Variants in SGCZ observed in about 807,000 individuals in gnomAD.
SGCZ encodes the protein zeta-sarcoglycan.
In SGCZ, 40 loss-of-function variants were observed where a neutral mutation model predicts 41.3. The ratio of observed to expected loss-of-function variants is 0.97; its 90% CI spans 0.75 to 1.26. The LOEUF is 1.26. Among genes scored for constraint, SGCZ ranks in the 50% most tolerant of loss-of-function variants. The probability of loss-of-function intolerance (pLI) is 0.00; values close to 1 mark genes in which losing one functional copy is unlikely to be tolerated. For synonymous variants in SGCZ, 206 were observed against 137.5 expected, an observed-to-expected ratio of 1.50 and a Z score of -3.49; for missense variants, 552 against 369.8, an observed-to-expected ratio of 1.49 and a Z score of -4.04.
intron 1 of SGCZ, among the ~76,000 whole-genome samples, chr8:14,575,543 G>A (rs1804679965): frequency 6.6e-6 from 1 of 152,082 alleles, no homozygotes; most frequent in African/African-American, 2.4e-5. Flanking sequence ...AAAATATTGG[G>A]GACAAAACAT....
At chr8:14,270,226 G>A (rs1298178866) in intron 3 of SGCZ, among the ~76,000 whole-genome samples, 1 of 152,038 alleles carries the variant, frequency 6.6e-6, no homozygotes, top group African/African-American at 2.4e-5. Flanking sequence ...CAGCTACTAG[G>A]GAGGCTGAGG....
At chr8:14,847,788 TAAAA>T (rs200291523) in intron 1 of SGCZ, among the ~76,000 whole-genome samples, 3 of 105,086 alleles carry the variant, frequency 2.9e-5, no homozygotes, top group South Asian at 3.4e-4. Context: ...TAGTTAATGG[TAAAA>T]AAAAAAAAAA....
At chr8:14,209,581 T>C (rs1805731676) in intron 4 of SGCZ, among the ~76,000 whole-genome samples, 1 of 152,180 alleles carries the variant, frequency 6.6e-6, no homozygotes, top group South Asian at 2.1e-4. Flanking sequence ...TTAAATTATG[T>C]TTTCGAAGAA....
intron 1 of SGCZ, among the ~76,000 whole-genome samples, chr8:14,992,003 C>G (rs890623717): frequency 7.0e-6 from 1 of 143,386 alleles, no homozygotes; most frequent in Admixed American, 7.0e-5. Flanking sequence ...GATATTTACC[C>G]CTCACCCATC....
intron 1 of SGCZ, among the ~76,000 whole-genome samples, chr8:14,779,555 G>A (rs1221185174): frequency 6.6e-6 from 1 of 152,142 alleles, no homozygotes; most frequent in Non-Finnish European, 1.5e-5. Flanking sequence ...ATTGCTTTAA[G>A]CCACTACGTT....
chr8:14,514,761 A>G (rs1210706073), intron 2 of SGCZ, among the ~76,000 whole-genome samples: 2 of 137,204 alleles, frequency 1.5e-5, no homozygotes, highest in Non-Finnish European at 3.1e-5. Context: ...AAGTATGTGT[A>G]AATTTATATA....
At chr8:14,930,882 G>A (rs935267101) in intron 1 of SGCZ, among the ~76,000 whole-genome samples, 1 of 151,836 alleles carries the variant, frequency 6.6e-6, no homozygotes, top group Admixed American at 6.6e-5. Context: ...CTAATGTAGG[G>A]GAGAGATAAC....
chr8:14,158,496 A>G (rs1180577118), intron 5 of SGCZ, among the ~76,000 whole-genome samples: 1 of 152,034 alleles, frequency 6.6e-6, no homozygotes, highest in Non-Finnish European at 1.5e-5. Context: ...TCAAATGTCA[A>G]TCCCTTTAGC....
At chr8:14,245,529 A>G (rs949898121) in intron 3 of SGCZ, among the ~76,000 whole-genome samples, 13 of 152,178 alleles carry the variant, frequency 8.5e-5, no homozygotes, top group Admixed American at 2.6e-4. Flanking sequence ...CAGGACATAG[A>G]CATTGGCAAG....
intron 1 of SGCZ, among the ~76,000 whole-genome samples, chr8:14,565,330 T>A (rs1015266970): frequency 3.3e-5 from 5 of 152,098 alleles, no homozygotes; most frequent in Non-Finnish European, 5.9e-5. Context: ...TTTTTGACAT[T>A]TATTTAGGCA....
intron 2 of SGCZ, among the ~76,000 whole-genome samples, chr8:14,503,931 A>C (rs1802230178): frequency 6.6e-6 from 1 of 152,234 alleles, no homozygotes; most frequent in Non-Finnish European, 1.5e-5. Context: ...TGTGCAGTTG[A>C]AAATGAAATG....
chr8:15,119,854 G>C (rs1807412249), intron 1 of SGCZ, among the ~76,000 whole-genome samples: 2 of 152,134 alleles, frequency 1.3e-5, no homozygotes, highest in Middle Eastern at 3.2e-3. Context: ...CTGTTGACCA[G>C]GCTGGAGTGC....
intron 1 of SGCZ, among the ~76,000 whole-genome samples, chr8:15,001,266 G>A (rs924746747): frequency 7.9e-5 from 12 of 152,360 alleles, no homozygotes; most frequent in African/African-American, 2.4e-4. Context: ...TAAGACTTCA[G>A]GGAGTTTCAA....
At chr8:15,211,225 A>G (rs1245137942) in intron 1 of SGCZ, among the ~76,000 whole-genome samples, 1 of 151,714 alleles carries the variant, frequency 6.6e-6, no homozygotes, top group Non-Finnish European at 1.5e-5. Flanking sequence ...ACATACTCAC[A>G]TACTTCAAGT....
chr8:14,582,387 A>G (rs1804920339), intron 1 of SGCZ, among the ~76,000 whole-genome samples: 1 of 152,140 alleles, frequency 6.6e-6, no homozygotes, highest in Non-Finnish European at 1.5e-5. Context: ...TGAAGTGTGT[A>G]TTTATGCATA....
chr8:14,702,731 TGATAGATAGATAGATA>T lies in SGCZ; in HGVS notation c.40-147821_40-147806del, dbSNP rs35625599. On this transcript the variant is annotated intron_variant, in intron 1 of 7. Transcript: ENST00000382080. ...TATCAGCAAATTCTGCTGGCTTCAATGATAGATAGATAGATAGATAGATAGATAGATAGATAGATAG... is the reference window on the plus strand; with the variant it reads ...TATCAGCAAATTCTGCTGGCTTCAATGATAGATAGATAGATAGATAGATAG... Among the ~76,000 whole-genome samples, 107 of 91,262 alleles carry T rather than the reference TGATAGATAGATAGATA, an allele frequency of 1.2e-3. 1 individual carries two copies. The highest frequency in any genetic ancestry group is 3.7e-3 in the African/African-American group (104 of 28,068). 59.9% of individuals were successfully genotyped at this position (91,262 alleles called of 152,430 possible). A position where few individuals can be genotyped will look rare whatever the true frequency, so the allele number is the denominator to read the frequency against.
intron 1 of SGCZ, among the ~76,000 whole-genome samples, chr8:15,157,608 G>C (rs1350812993): frequency 6.6e-6 from 1 of 152,076 alleles, no homozygotes; most frequent in Admixed American, 6.6e-5. Flanking sequence ...CTAATGTCCT[G>C]GTTCTACTAG....
chr8:14,090,231 G>A lies in SGCZ; in HGVS notation c.*212C>T, dbSNP rs1025359448. On this transcript the variant is annotated 3_prime_UTR_variant, in exon 8 of 8. Transcript: ENST00000382080. ...ATGATCCAGTTTTCCTGCTGACGAC[G>A]CTTTTTCCACTGCTGTGTCAATCAC... 4.8e-6 allele frequency: 2 copies of A among 413,204 alleles called. No individual in the cohort carries two copies. Among genetic ancestry groups the A allele is most frequent in the East Asian group, 3.7e-5 (1 of 27,226 alleles). 25.6% of individuals were successfully genotyped at this position (413,204 alleles called of 1,614,324 possible).
chr8:14,786,671 CAG>C (rs1800775357), intron 1 of SGCZ, among the ~76,000 whole-genome samples: 1 of 151,808 alleles, frequency 6.6e-6, no homozygotes, highest in African/African-American at 2.4e-5. Context: ...TATAAACAAA[CAG>C]AAAGTCTATG....
Sources: gnomAD v4.1 joint callset for allele counts (sites outside exome capture counted in the v4.1 genomes callset) on GRCh38, gnomAD v4.1.1 for gene constraint, MANE v1.5 for transcripts, NCBI Gene and HGNC (gene_info 2026-07-23, HGNC 2026-07-21) for gene names.